The following SPTA1 variants were observed in gnomAD, a reference collection of about 807,000 sequenced individuals.
The protein encoded by SPTA1 is spectrin alpha chain, erythrocytic 1.
In SPTA1, 177 loss-of-function variants were observed where a neutral mutation model predicts 324.7. The observed-to-expected ratio is 0.55, with a 90% CI of 0.48 to 0.62. SPTA1 has a LOEUF of 0.62. Ranked by LOEUF, SPTA1 falls within the 20% of genes least tolerant of loss-of-function variation. The pLI is 0.00. For missense variants in SPTA1, 3,162 were observed against 2,883.6 expected (o/e 1.10, Z -2.21); for synonymous variants, 1,195 against 1,041.3 (o/e 1.15, Z -2.84).
chr1:158,648,394 A>G, intron 26 of SPTA1, 115 bp downstream of exon 26: 1 of 1,453,344 alleles, frequency 6.9e-7, no homozygotes, highest in Non-Finnish European at 9.5e-7. Flanking sequence ...ATGGCACAGA[A>G]CAGAGAGAAA....
chr1:158,663,976 A>G (rs937185356), intron 16 of SPTA1, among the ~76,000 whole-genome samples: 3 of 152,202 alleles, frequency 2.0e-5, no homozygotes, highest in African/African-American at 4.8e-5. Flanking sequence ...TGGCTCCTCA[A>G]TTTGGAAAAA....
In SPTA1 at chr1:158,651,443, AGCCGAG is replaced by A. The variant is rs1272794851; in HGVS notation, c.3395_3400del (p.Pro1132_Arg1133del). 3.1e-5 allele frequency: 50 copies of A among 1,613,634 alleles called. No individual in the cohort carries two copies. The highest frequency in any genetic ancestry group is 4.2e-5 in the Non-Finnish European group (49 of 1,179,736). On this transcript the variant is annotated inframe_deletion, in exon 24 of 52. Transcript: ENST00000643759. ...ATCAGCTACCTTGTTGATATCCCTT[AGCCGAG>A]GCTCATTGGTATTCAAATCCTGAAT...
At chr1:158,637,967 G>A (rs1464685824) in intron 36 of SPTA1, 66 bp downstream of exon 36, 34 of 1,542,526 alleles carry the variant, frequency 2.2e-5, no homozygotes, top group Non-Finnish European at 2.9e-5. Flanking sequence ...GCATAAATTG[G>A]AACAAGTTTG....
intron 16 of SPTA1, among the ~76,000 whole-genome samples, chr1:158,665,232 C>T (rs1369685811): frequency 6.6e-6 from 1 of 152,110 alleles, no homozygotes; most frequent in Non-Finnish European, 1.5e-5. Context: ...CCCTTCCATC[C>T]TTTGAAACTC....
chr1:158,683,234 C>G, intron 3 of SPTA1, 137 bp downstream of exon 3: 1 of 1,267,344 alleles, frequency 7.9e-7, no homozygotes, highest in Non-Finnish European at 1.1e-6. Flanking sequence ...TTTTTTATGC[C>G]TCAACCCCAG....
At chr1:158,623,356 G>T (rs966841908) in intron 42 of SPTA1, among the ~76,000 whole-genome samples, 164 bp from the exon 43 acceptor site, 3 of 152,242 alleles carry the variant, frequency 2.0e-5, no homozygotes, top group Non-Finnish European at 4.4e-5. Flanking sequence ...ATTTGGGGCT[G>T]AAAGCTCCAG....
chr1:158,656,463 T>G, intron 20 of SPTA1, 101 bp downstream of exon 20: 1 of 1,065,150 alleles, frequency 9.4e-7, no homozygotes. Context: ...TTCTTTGCCA[T>G]TGTTTTTGGG....
In SPTA1 at chr1:158,678,522, C is replaced by A. The variant is rs765819340; in HGVS notation, c.691G>T (p.Asp231Tyr). The A allele has an allele frequency of 1.1e-5, 17 of 1,613,452 alleles. No individual in the cohort carries two copies. Among genetic ancestry groups the A allele is most frequent in the Non-Finnish European group, 1.4e-5 (17 of 1,179,650 alleles). The part of the protein sequence containing the change: ...ANECAEENHP[D>Y]LPLIQSKQNE... ...TGCTTAGACTGAATTAAGGGTAGGTCAGGATGGTTTTCCTGTTGAAGGAAA... is the reference window on the plus strand; with the variant it reads ...TGCTTAGACTGAATTAAGGGTAGGTAAGGATGGTTTTCCTGTTGAAGGAAA... Residue 231 changes from aspartate to tyrosine, a missense_variant, in exon 6 of 52, where the codon GAC becomes TAC. Coordinates refer to ENST00000643759, the MANE Select transcript of SPTA1 (RefSeq NM_003126.4).
chr1:158,613,892 A>T, intron 49 of SPTA1, 25 bp from the exon 50 acceptor site: 1 of 1,610,264 alleles, frequency 6.2e-7, no homozygotes, highest in South Asian at 1.1e-5. Flanking sequence ...AAGAAAAAAA[A>T]ATTTATCAAG....
At chr1:158,611,584 T>C in intron 51 of SPTA1, 195 bp from the exon 52 acceptor site, 1 of 548,932 alleles carries the variant, frequency 1.8e-6, no homozygotes, top group East Asian at 3.4e-5. Context: ...ATCTCAGCCC[T>C]TTCTTGAAAA....
intron 39 of SPTA1, among the ~76,000 whole-genome samples, chr1:158,629,464 A>T (rs1230621406): frequency 6.6e-6 from 1 of 151,982 alleles, no homozygotes; most frequent in Non-Finnish European, 1.5e-5. Flanking sequence ...TTCTGAAAAA[A>T]AATGGACAGA....
chr1:158,638,269 T>G (rs1486007044), intron 35 of SPTA1, 28 bp from the exon 36 acceptor site: 2 of 1,597,092 alleles, frequency 1.3e-6, no homozygotes, highest in Non-Finnish European at 1.7e-6. Context: ...ACTCAGTGAA[T>G]AGTATAGTAT....
chr1:158,630,828 AC>A (rs1650625247), intron 39 of SPTA1, among the ~76,000 whole-genome samples: 1 of 151,944 alleles, frequency 6.6e-6, no homozygotes, highest in Admixed American at 6.6e-5. Context: ...AAAGTAAAAA[AC>A]CCCTAATAAC....
chr1:158,668,119 AT>A, intron 14 of SPTA1, 57 bp from the exon 15 acceptor site: 1 of 1,569,858 alleles, frequency 6.4e-7, no homozygotes, highest in Non-Finnish European at 8.7e-7. Context: ...AGGGACAGAA[AT>A]TTTGAGAATA....
intron 18 of SPTA1, 69 bp downstream of exon 18, chr1:158,661,218 T>C: frequency 6.2e-7 from 1 of 1,609,638 alleles, no homozygotes; most frequent in Non-Finnish European, 8.5e-7. Context: ...AACCCTAGGA[T>C]AGTACAAACT....
In SPTA1 at chr1:158,654,713, T is replaced by G; in HGVS notation, c.2934A>C (p.Gly978=). ...CATATAAAGCCATGACCCTTTGTTC[T>G]CCAGCAACTCCCTCCACTGGTGCAG... is the stretch of plus-strand genomic sequence containing the variant. The part of the protein sequence containing the change: ...QQAAPVEGVA[G]EQRVMALYDF... Residue 978 remains glycine, a synonymous_variant, in exon 21 of 52, where the codon GGA becomes GGC. Coordinates refer to ENST00000643759, the MANE Select transcript of SPTA1 (RefSeq NM_003126.4). 1 of 1,613,850 alleles carries G rather than the reference T, an allele frequency of 6.2e-7. No homozygotes were observed. The highest frequency in any genetic ancestry group is 8.5e-7 in the Non-Finnish European group (1 of 1,179,970).
At chr1:158,647,972 T>C (rs1284324077) in intron 26 of SPTA1, among the ~76,000 whole-genome samples, 1 of 152,176 alleles carries the variant, frequency 6.6e-6, no homozygotes, top group Non-Finnish European at 1.5e-5. Context: ...ACTCTGCTGG[T>C]TAGTGGCAAC....
Position 158,612,858 on chromosome 1 carries a change from C to T in SPTA1, c.7093G>A (p.Ala2365Thr), listed in dbSNP as rs1480212709. 6.2e-7 allele frequency: 1 copy of T among 1,613,790 alleles called. No homozygotes were observed. The highest frequency in any genetic ancestry group is 8.5e-7 in the Non-Finnish European group (1 of 1,179,872). Residue 2365 changes from alanine (A) to threonine (T), a missense_variant, in exon 51 of 52, where the codon GCA (alanine) becomes ACA (threonine). Physicochemically the swap from Ala to Thr is moderately conservative, Grantham distance 58. Coordinates refer to ENST00000643759, the MANE Select transcript of SPTA1 (RefSeq NM_003126.4). ...TTGGTAATATATGACTTGCCCTCTG[C>T]CAGGGCTTGGAAGGCATTCTCTATT... is the stretch of plus-strand genomic sequence containing the variant. ...DEIENAFQAL[A>T]EGKSYITKED...
At chr1:158,671,247 G>T in intron 12 of SPTA1, 96 bp downstream of exon 12, 1 of 828,454 alleles carries the variant, frequency 1.2e-6, no homozygotes. Flanking sequence ...GGCTATGTCT[G>T]GTAGTTACAG....
Sources: gnomAD v4.1 joint callset for allele counts (sites outside exome capture counted in the v4.1 genomes callset) on GRCh38, gnomAD v4.1.1 for gene constraint, MANE v1.5 for transcripts, NCBI Gene and HGNC (gene_info 2026-07-23, HGNC 2026-07-21) for gene names.